Variants in CFAP54 observed in about 807,000 individuals in gnomAD.
CFAP54 encodes the protein cilia- and flagella-associated protein 54.
In CFAP54, 290 loss-of-function variants were observed where a neutral mutation model predicts 370.4. The ratio of observed to expected loss-of-function variants is 0.78; its 90% CI spans 0.71 to 0.86. The LOEUF (loss-of-function observed/expected upper bound fraction) is 0.86, where lower values mean the gene tolerates loss of function less well. Ranked by LOEUF, CFAP54 falls within the 40% of genes least tolerant of loss-of-function variation. The pLI is 0.00. For missense variants in CFAP54, 3,399 were observed against 3,528.7 expected (o/e 0.96, Z 0.93); for synonymous variants, 1,206 against 1,236.5 (o/e 0.98, Z 0.52).
At chr12:96,690,912 A>G (rs1957381095) in intron 43 of CFAP54, among the ~76,000 whole-genome samples, 1 of 152,214 alleles carries the variant, frequency 6.6e-6, no homozygotes, top group Non-Finnish European at 1.5e-5. Context: ...AGAAGTATCC[A>G]ACTACCATGG....
chr12:96,639,182 C>T (rs149238176), intron 32 of CFAP54, among the ~76,000 whole-genome samples: 1 of 151,918 alleles, frequency 6.6e-6, no homozygotes, highest in African/African-American at 2.4e-5. Flanking sequence ...AGACCGATAG[C>T]AAGACTAGTA....
chr12:96,508,713 CT>C (rs11314162), intron 4 of CFAP54, among the ~76,000 whole-genome samples: 43,972 of 142,992 alleles, frequency 0.31, 6,665 homozygotes, highest in South Asian at 0.4. Context: ...ATTCTGTTTC[CT>C]TTTTTTTTTT....
At position 96,546,804 on chromosome 12, in the gene CFAP54, G is replaced by GCCCTCTA. The variant is rs1592844386; in HGVS notation, c.2078-1098_2078-1097insCCCTCTA. Among the ~76,000 whole-genome samples the GCCCTCTA allele has an allele frequency of 2.6e-5, 3 of 116,336 alleles. No homozygotes were observed. The East Asian group carries it at 6.5e-4, about 25-fold the overall frequency. The allele number at this position is 116,336 out of a possible 152,430, so 76.3% of individuals were successfully genotyped here. A position where few individuals can be genotyped will look rare whatever the true frequency, so the allele number is the denominator to read the frequency against. On this transcript the variant is annotated intron_variant, in intron 14 of 67. Coordinates refer to ENST00000524981, the MANE Select transcript of CFAP54 (RefSeq NM_001306084.2). ...AGATCATGCCACTGCCCTCTAGCCT[G>GCCCTCTA]GTCAACAGTGTGAGACTCCATCTCA...
intron 50 of CFAP54, among the ~76,000 whole-genome samples, chr12:96,728,125 C>A (rs567693206): frequency 1.6e-4 from 24 of 152,292 alleles, no homozygotes; most frequent in African/African-American, 4.8e-4. Context: ...CCCTTCATTT[C>A]AACTTTGGTG....
In CFAP54 at chr12:96,743,434, A is replaced by C. The variant is rs1203957970; in HGVS notation, c.7252A>C (p.Asn2418His). 7.4e-6 allele frequency: 12 copies of C among 1,614,030 alleles called. No individual in the cohort carries two copies. Among genetic ancestry groups the C allele is most frequent in the Non-Finnish European group, 1.0e-5 (12 of 1,179,936 alleles). Reference protein sequence around the residue: ...DDMTDCLSLINEVCMEAKSAG... With the variant: ...DDMTDCLSLIHEVCMEAKSAG... The stretch of plus-strand genomic sequence containing the variant: ...TATGACAGATTGCCTGAGCCTCATC[A>C]ATGAAGTGTGTATGGAGGCAAAAAG... The change falls in exon 53 of 68, where the codon AAT (asparagine) becomes CAT (histidine). Residue 2418 changes from asparagine to histidine, a missense_variant. Physicochemically the swap from Asn to His is moderately conservative, Grantham distance 68. Coordinates refer to ENST00000524981, the MANE Select transcript of CFAP54 (RefSeq NM_001306084.2).
chr12:96,632,727 C>T (rs149092949), intron 32 of CFAP54, among the ~76,000 whole-genome samples: 63 of 151,964 alleles, frequency 4.1e-4, no homozygotes, highest in African/African-American at 1.4e-3. Context: ...GGGTATTCTT[C>T]CACAAAATGG....
chr12:96,654,675 ATCCTC>A (rs1956902048), intron 36 of CFAP54, among the ~76,000 whole-genome samples: 1 of 151,968 alleles, frequency 6.6e-6, no homozygotes, highest in African/African-American at 2.4e-5. Flanking sequence ...ACTTGTCTTC[ATCCTC>A]TCCTCTCACC....
At chr12:96,603,472 C>T (rs375038134) in intron 26 of CFAP54, among the ~76,000 whole-genome samples, 1 of 152,158 alleles carries the variant, frequency 6.6e-6, no homozygotes, top group East Asian at 1.9e-4. Context: ...TTGTGGCGTT[C>T]TCTGTATTTC....
chr12:96,721,556 T>C (rs1203781572), intron 50 of CFAP54, among the ~76,000 whole-genome samples: 1 of 152,214 alleles, frequency 6.6e-6, no homozygotes, highest in African/African-American at 2.4e-5. Flanking sequence ...ACATCCACAT[T>C]CAAGAGTTTC....
At chr12:96,561,771 TTC>T (rs1340333758) in intron 17 of CFAP54, among the ~76,000 whole-genome samples, 2 of 84,918 alleles carry the variant, frequency 2.4e-5, no homozygotes, top group Non-Finnish European at 5.2e-5. Flanking sequence ...AAATCACAAG[TTC>T]TTTTTTTTTT....
intron 48 of CFAP54, among the ~76,000 whole-genome samples, chr12:96,717,609 C>T (rs972695416): frequency 6.6e-6 from 1 of 152,226 alleles, no homozygotes; most frequent in African/African-American, 2.4e-5. Flanking sequence ...TCTCACTTCT[C>T]CCCTGTTCAG....
In CFAP54 at chr12:96,693,705, T is replaced by C. The variant is rs762001494; in HGVS notation, c.6265-17T>C. 2 of 1,459,492 alleles carry C rather than the reference T, an allele frequency of 1.4e-6. No homozygotes were observed. The highest frequency in any genetic ancestry group is 1.2e-5 in the South Asian group (1 of 82,256). 90.4% of individuals were successfully genotyped at this position (1,459,492 alleles called of 1,614,324 possible). A position where few individuals can be genotyped will look rare whatever the true frequency, so the allele number is the denominator to read the frequency against. The stretch of plus-strand genomic sequence containing the variant: ...ATAAAATATATTTTGAAACAAAGAG[T>C]GTTTTTCTCCTGATAGGTTCTGCCT... On this transcript the variant is annotated splice_polypyrimidine_tract_variant and intron_variant, in intron 44 of 67. Transcript: ENST00000524981.
At chr12:96,547,056 A>G (rs1455662718) in intron 14 of CFAP54, among the ~76,000 whole-genome samples, 1 of 152,202 alleles carries the variant, frequency 6.6e-6, no homozygotes, top group Non-Finnish European at 1.5e-5. Context: ...ATTTAGATAT[A>G]TAAATTCTTA....
intron 63 of CFAP54, among the ~76,000 whole-genome samples, chr12:96,803,977 C>T (rs1189865958): frequency 1.3e-5 from 2 of 151,162 alleles, no homozygotes; most frequent in Non-Finnish European, 3.0e-5. Flanking sequence ...ATCTGAAAAC[C>T]AATACAAAGA....
rs1367625044 is a variant in CFAP54, at chr12:96,644,129, A to G, written c.4317-49A>G. 6.6e-6 allele frequency: 8 copies of G among 1,210,218 alleles called. No individual in the cohort carries two copies. In the Admixed American group the frequency reaches 1.2e-4, roughly 18 times the overall value. 75.0% of individuals were successfully genotyped at this position (1,210,218 alleles called of 1,614,324 possible). ...AATTGGAATGATTCTTCTTTATTAAATATCTGAAAGTTCTTGTGTAATTTC... is the reference window on the plus strand; with the variant it reads ...AATTGGAATGATTCTTCTTTATTAAGTATCTGAAAGTTCTTGTGTAATTTC... On this transcript the variant is annotated intron_variant, in intron 32 of 67. Transcript: ENST00000524981.
intron 32 of CFAP54, among the ~76,000 whole-genome samples, chr12:96,637,900 C>T (rs1008627505): frequency 1.3e-5 from 2 of 152,068 alleles, no homozygotes; most frequent in Non-Finnish European, 2.9e-5. Context: ...ACCATCTTGT[C>T]ATAATTGCCT....
chr12:96,597,616 T>C (rs1045555889), intron 25 of CFAP54, among the ~76,000 whole-genome samples: 9 of 151,620 alleles, frequency 5.9e-5, no homozygotes, highest in African/African-American at 1.7e-4. Context: ...TATGCAGCCA[T>C]TAGAAACAAA....
At chr12:96,531,052 A>G (rs1216055699) in intron 9 of CFAP54, among the ~76,000 whole-genome samples, 1 of 151,944 alleles carries the variant, frequency 6.6e-6, no homozygotes, top group Non-Finnish European at 1.5e-5. Flanking sequence ...AGCTCTTTTT[A>G]TGTTCTGAAT....
At chr12:96,568,264 A>G (rs1955881547) in intron 19 of CFAP54, among the ~76,000 whole-genome samples, 1 of 148,552 alleles carries the variant, frequency 6.7e-6, no homozygotes, top group Non-Finnish European at 1.5e-5. Context: ...AATTTCTTCT[A>G]TTTTTTAAAA....
Sources: gnomAD v4.1 joint callset for allele counts (sites outside exome capture counted in the v4.1 genomes callset) on GRCh38, gnomAD v4.1.1 for gene constraint, MANE v1.5 for transcripts, NCBI Gene and HGNC (gene_info 2026-07-23, HGNC 2026-07-21) for gene names.